PROC: variants seen among roughly 807,000 people sequenced by gnomAD.
The protein encoded by PROC is vitamin K-dependent protein C.
Under a neutral mutation model 36.3 loss-of-function variants are expected in PROC, and 22 were observed. The ratio of observed to expected loss-of-function variants is 0.61; its 90% CI spans 0.43 to 0.86. The LOEUF (loss-of-function observed/expected upper bound fraction) is 0.86. PROC is among the 40% of genes least tolerant of loss of function. PROC has a pLI of 0.00. For missense variants in PROC, 526 were observed against 629.7 expected (o/e 0.84, Z 1.76); for synonymous variants, 218 against 244.5 (o/e 0.89, Z 1.01).
Position 127,423,184 on chromosome 2 carries a change from G to A in PROC, c.400+13G>A, listed in dbSNP as rs116738363. The A allele has an allele frequency of 2.1e-3, 3,292 of 1,550,370 alleles. 57 individuals are homozygous for A. In the African/African-American group the frequency reaches 0.04, roughly 19 times the overall value. The stretch of plus-strand genomic sequence containing the variant: ...TTCTGCCAGCGCGGTGAGGGGGAGA[G>A]GTGGATGCTGGCGGGCGGCGGGGCG... On this transcript the variant is annotated intron_variant, in intron 5 of 8. Transcript: ENST00000234071.
intron 8 of PROC, among the ~76,000 whole-genome samples, chr2:127,427,848 T>C (rs1688623008): frequency 6.6e-6 from 1 of 152,238 alleles, no homozygotes; most frequent in Admixed American, 6.5e-5. Flanking sequence ...CCAGGTGCTC[T>C]TCCCAGGGAA....
At chr2:127,422,192 C>T (rs1688136026) in intron 3 of PROC, among the ~76,000 whole-genome samples, 1 of 152,240 alleles carries the variant, frequency 6.6e-6, no homozygotes, top group Admixed American at 6.5e-5. Context: ...CAGCCTCCAC[C>T]TCCTTGACTG....
Position 127,422,902 on chromosome 2 carries a change from C to T in PROC, c.238-15C>T, listed in dbSNP as rs1235605122. On this transcript the variant is annotated splice_polypyrimidine_tract_variant and intron_variant, in intron 3 of 8. Coordinates refer to ENST00000234071, the MANE Select transcript of PROC (RefSeq NM_000312.4). ...ACCGGCTGCAGGAGCCTGACGCTGC[C>T]CGCTCTCTCCGCAGCTGGCCTTCTG... is the stretch of plus-strand genomic sequence containing the variant. 1 of 1,557,736 alleles carries T rather than the reference C, an allele frequency of 6.4e-7. No individual in the cohort carries two copies. The highest frequency in any genetic ancestry group is 1.4e-5 in the African/African-American group (1 of 73,236).
intron 2 of PROC, among the ~76,000 whole-genome samples, chr2:127,420,922 C>T (rs1265433372): frequency 6.6e-6 from 1 of 152,130 alleles, no homozygotes; most frequent in Non-Finnish European, 1.5e-5. Flanking sequence ...TATCTCTGGG[C>T]CAGGGACTGT....
Sources: gnomAD v4.1 joint callset for allele counts (sites outside exome capture counted in the v4.1 genomes callset) on GRCh38, gnomAD v4.1.1 for gene constraint, MANE v1.5 for transcripts, NCBI Gene and HGNC (gene_info 2026-07-23, HGNC 2026-07-21) for gene names.